The following PTK2 variants were observed in gnomAD, a reference collection of about 807,000 sequenced individuals.
The protein encoded by PTK2 is focal adhesion kinase 1.
In PTK2, 45 loss-of-function variants were observed where a neutral mutation model predicts 150.1. The observed-to-expected ratio is 0.30, with a 90% CI of 0.24 to 0.38. The LOEUF (loss-of-function observed/expected upper bound fraction) is 0.38. PTK2 is among the 10% of genes least tolerant of loss of function. The pLI is 1.00. For missense variants in PTK2, 919 were observed against 1,307.3 expected (o/e 0.70, Z 4.58); for synonymous variants, 432 against 449.2 (o/e 0.96, Z 0.48).
chr8:140,774,528 C>G (rs186013970), intron 14 of PTK2, among the ~76,000 whole-genome samples: 1 of 152,196 alleles, frequency 6.6e-6, no homozygotes, highest in East Asian at 1.9e-4. Context: ...TAGCGTGGTC[C>G]TATTATCAGA....
At chr8:140,784,548 T>TA in intron 14 of PTK2, among the ~76,000 whole-genome samples, 1 of 152,294 alleles carries the variant, frequency 6.6e-6, no homozygotes, top group African/African-American at 2.4e-5. Flanking sequence ...ATTTCTAGGG[T>TA]AATTTTAACC....
chr8:140,682,234 T>C (rs2100017434), intron 27 of PTK2, among the ~76,000 whole-genome samples: 1 of 151,998 alleles, frequency 6.6e-6, no homozygotes, highest in South Asian at 2.1e-4. Flanking sequence ...ATTCAAAAAT[T>C]AGATGGACGT....
chr8:140,697,479 T>TGC (rs1295078990), intron 26 of PTK2, among the ~76,000 whole-genome samples: 1 of 151,242 alleles, frequency 6.6e-6, no homozygotes, highest in African/African-American at 2.4e-5. Context: ...CTTGCTCTGT[T>TGC]GCCCAGGCTG....
chr8:140,836,613 A>G (rs2100118787), intron 7 of PTK2, among the ~76,000 whole-genome samples: 1 of 152,222 alleles, frequency 6.6e-6, no homozygotes, highest in Admixed American at 6.5e-5. Flanking sequence ...TAAAGGATGC[A>G]ATTGACTACT....
At chr8:140,668,926 T>C (rs1376290834) in intron 29 of PTK2, 2 of 155,132 alleles carry the variant, frequency 1.3e-5, no homozygotes, top group East Asian at 1.9e-4. Context: ...TGTACAATTA[T>C]AAAAAGCTGA....
intron 1 of PTK2, among the ~76,000 whole-genome samples, chr8:140,953,052 T>C (rs2100180026): frequency 1.3e-5 from 2 of 152,142 alleles, no homozygotes; most frequent in African/African-American, 4.8e-5. Context: ...TAAAAAAAAT[T>C]GACTTTCAAT....
intron 1 of PTK2, among the ~76,000 whole-genome samples, chr8:140,993,586 C>T (rs1361256366): frequency 1.3e-5 from 2 of 152,132 alleles, no homozygotes; most frequent in Non-Finnish European, 2.9e-5. Context: ...CCAACAAAGA[C>T]AAACATATAG....
At chr8:141,000,087 T>TCACTCACACACACACACA (rs1555522724) in intron 1 of PTK2, among the ~76,000 whole-genome samples, 1 of 81,608 alleles carries the variant, frequency 1.2e-5, no homozygotes. Context: ...TGAAACCAAT[T>TCACTCACACACACACACA]CACACACACA....
At chr8:140,874,232 C>T (rs1178802951) in intron 4 of PTK2, among the ~76,000 whole-genome samples, 5 of 152,168 alleles carry the variant, frequency 3.3e-5, no homozygotes, top group African/African-American at 4.8e-5. Flanking sequence ...AGCTAGCTTA[C>T]CAAGCTGTTT....
rs1276622276 is a variant in PTK2 at position 140,713,452 on chromosome 8, G to A, written c.2142+4146C>T. Among the ~76,000 whole-genome samples, 5 of 152,146 alleles carry A rather than the reference G, an allele frequency of 3.3e-5. No individual in the cohort carries two copies. The South Asian group carries it at 6.2e-4, about 19-fold the overall frequency. ...TAATTTTTGTATTTTTAGTTGAAAC[G>A]GGGTTTTGCCATGTTGGCCAGGCTG... On this transcript the variant is annotated intron_variant, in intron 23 of 31. Coordinates refer to ENST00000522684, the Ensembl canonical transcript of PTK2.
At chr8:140,814,107 G>A (rs1369053454) in intron 10 of PTK2, among the ~76,000 whole-genome samples, 1 of 152,192 alleles carries the variant, frequency 6.6e-6, no homozygotes, top group Admixed American at 6.5e-5. Context: ...GAGCCAGGAA[G>A]AAACTGAAGC....
At chr8:140,848,086 G>A (rs565648165) in intron 5 of PTK2, among the ~76,000 whole-genome samples, 2 of 152,314 alleles carry the variant, frequency 1.3e-5, no homozygotes, top group South Asian at 4.1e-4. Context: ...TTCAACTCAT[G>A]AAGACAAATC....
intron 2 of PTK2, among the ~76,000 whole-genome samples, chr8:140,909,372 T>C (rs780449394): frequency 8.5e-5 from 13 of 152,322 alleles, no homozygotes; most frequent in East Asian, 1.9e-4. Context: ...TAAGACCCTA[T>C]AGATTACAGG....
chr8:140,732,491 T>C lies in PTK2; in HGVS notation c.2030+2760A>G, dbSNP rs115308549. Reference sequence around the variant, plus strand: ...AGAATCACTCATATGTTCTAAGCCTTGAATTCAGTGCCTGGGTGACTCTTC... The same window carrying C: ...AGAATCACTCATATGTTCTAAGCCTCGAATTCAGTGCCTGGGTGACTCTTC... On this transcript the variant is annotated intron_variant, in intron 22 of 31. Transcript: ENST00000522684. The C allele has an allele frequency of 1.7e-3, 860 of 509,396 alleles. 4 individuals carry two copies. Among genetic ancestry groups the C allele is most frequent in the African/African-American group, 0.015 (770 of 50,592 alleles). 31.6% of individuals were successfully genotyped at this position (509,396 alleles called of 1,614,324 possible).
chr8:140,692,059 T>C (rs1378180016), intron 26 of PTK2, among the ~76,000 whole-genome samples: 2 of 152,244 alleles, frequency 1.3e-5, no homozygotes, highest in Non-Finnish European at 2.9e-5. Flanking sequence ...TGTGTTTACA[T>C]GAATTAATCT....
In PTK2 at chr8:140,735,380, C is replaced by T; in HGVS notation, c.1901G>A (p.Arg634Gln). The T allele has an allele frequency of 5.6e-6, 9 of 1,614,058 alleles. No individual in the cohort carries two copies. The highest frequency in any genetic ancestry group is 1.1e-5 in the South Asian group (1 of 91,070). The stretch of plus-strand genomic sequence containing the variant: ...TGGTAATCTTTCCCCATTTTCAATT[C>T]GACCGATTACATCATTGTTCTTCAC... Residue 634 changes from arginine to glutamine, a missense_variant, in exon 22 of 32, where the codon CGA (arginine) becomes CAA (glutamine). Transcript: ENST00000522684.
chr8:140,922,488 G>A (rs2100167872), intron 2 of PTK2, among the ~76,000 whole-genome samples: 1 of 151,956 alleles, frequency 6.6e-6, no homozygotes. Flanking sequence ...GTCATGATGG[G>A]AAGGATAAGA....
chr8:140,866,540 T>C (rs1307231135), intron 4 of PTK2, among the ~76,000 whole-genome samples: 2 of 152,238 alleles, frequency 1.3e-5, no homozygotes, highest in African/African-American at 4.8e-5. Flanking sequence ...CTGTCAGCTA[T>C]CACTTCTCTG....
At chr8:140,976,141 A>G (rs1254607989) in intron 1 of PTK2, among the ~76,000 whole-genome samples, 1 of 152,248 alleles carries the variant, frequency 6.6e-6, no homozygotes, top group East Asian at 1.9e-4. Context: ...TAACTTGCCA[A>G]AAGTCACATG....
Sources: allele counts gnomAD v4.1 joint callset (sites outside exome capture counted in the v4.1 genomes callset), GRCh38; gene constraint gnomAD v4.1.1; transcripts MANE v1.5; gene names NCBI Gene and HGNC (gene_info 2026-07-23, HGNC 2026-07-21).